The following MED12L variants were observed in gnomAD, a reference collection of about 807,000 sequenced individuals.
The protein encoded by MED12L is mediator of RNA polymerase II transcription subunit 12-like protein.
A neutral mutation model predicts 281.3 loss-of-function variants in MED12L; 60 were observed. That is an observed-to-expected ratio of 0.21 (90% CI 0.17 to 0.26). The LOEUF is 0.26. Ranked by LOEUF, MED12L falls within the 10% of genes least tolerant of loss-of-function variation. The pLI, the probability that MED12L is intolerant of heterozygous loss-of-function variation, is 1.00. For missense variants in MED12L, 2,146 were observed against 2,680.9 expected (o/e 0.80, Z 4.41); for synonymous variants, 974 against 987.2 (o/e 0.99, Z 0.25).
chr3:151,284,410 G>A (rs555811191), intron 16 of MED12L, among the ~76,000 whole-genome samples: 1 of 152,182 alleles, frequency 6.6e-6, no homozygotes, highest in East Asian at 1.9e-4. Flanking sequence ...AGGGTTGTGT[G>A]GTTATCTTGG....
rs543229845 is a variant in MED12L, at chr3:151,413,376, C to T, written c.6297+81C>T. On this transcript the variant is annotated intron_variant, in intron 42 of 44. Coordinates refer to ENST00000687756, the MANE Select transcript of MED12L (RefSeq NM_001393769.1). Reference sequence around the variant, plus strand: ...CAACAGTCATAAAAAATGAAAAACACTATAGTTGTCAATTGCCAGATTCCA... The same window carrying T: ...CAACAGTCATAAAAAATGAAAAACATTATAGTTGTCAATTGCCAGATTCCA... 9 of 1,468,738 alleles carry T rather than the reference C, an allele frequency of 6.1e-6. No individual in the cohort carries two copies. In the South Asian group the frequency reaches 1.1e-4, roughly 18 times the overall value. 91.0% of individuals were successfully genotyped at this position (1,468,738 alleles called of 1,614,324 possible).
At chr3:151,334,188 C>CTTTTTTTTTTTTTTTTTTTTTTTTTTT (rs1225344552) in intron 16 of MED12L, among the ~76,000 whole-genome samples, 3 of 30,302 alleles carry the variant, frequency 9.9e-5, no homozygotes, top group East Asian at 9.8e-4. Flanking sequence ...TTTTTTCTTT[C>CTTTTTTTTTTTTTTTTTTTTTTTTTTT]TTTCTTTCTT....
chr3:151,276,875 C>T lies in MED12L; in HGVS notation c.2251-73184C>T, dbSNP rs142945939. Among the ~76,000 whole-genome samples the T allele has an allele frequency of 1.6e-4, 25 of 152,154 alleles. No individual in the cohort carries two copies. In the East Asian group the frequency reaches 4.8e-3, roughly 29 times the overall value. ...TGCTTTGAGTACCTTGGAATCTCCC[C>T]ACTGTTCTTTTGGTTTTATTTTTGT... is the stretch of plus-strand genomic sequence containing the variant. On this transcript the variant is annotated intron_variant, in intron 16 of 44. Transcript: ENST00000687756.
chr3:151,294,198 G>A (rs1331356491), intron 16 of MED12L: 21 of 1,608,342 alleles, frequency 1.3e-5, no homozygotes, highest in South Asian at 7.7e-5. Context: ...TAATATATGC[G>A]AACTTCCGAT....
At chr3:151,387,052 A>G (rs1053292966) in intron 36 of MED12L, among the ~76,000 whole-genome samples, 20 of 152,212 alleles carry the variant, frequency 1.3e-4, no homozygotes, top group Non-Finnish European at 2.5e-4. Flanking sequence ...AAGAATGCAT[A>G]TAGATAACAA....
intron 4 of MED12L, among the ~76,000 whole-genome samples, chr3:151,127,175 A>G (rs1387231941): frequency 6.6e-6 from 1 of 152,200 alleles, no homozygotes; most frequent in Admixed American, 6.5e-5. Flanking sequence ...GCTAAATAGT[A>G]CCTTTGTGGT....
At chr3:151,261,451 T>C (rs1469550433) in intron 16 of MED12L, 1 of 152,118 alleles carries the variant, frequency 6.6e-6, no homozygotes, top group Non-Finnish European at 1.5e-5. Flanking sequence ...GGGTAAGTAA[T>C]GGAGAAACAG....
intron 16 of MED12L, among the ~76,000 whole-genome samples, chr3:151,234,911 T>C (rs1161274145): frequency 6.6e-6 from 1 of 152,202 alleles, no homozygotes; most frequent in Admixed American, 6.5e-5. Context: ...ATAATAAGAA[T>C]CTGTCCAGCC....
rs1724130867 is a variant in MED12L at position 151,192,584 on chromosome 3, C to T, written c.2003C>T (p.Ser668Leu). 6.5e-7 allele frequency: 1 copy of T among 1,536,166 alleles called. No homozygotes were observed. Among genetic ancestry groups the T allele is most frequent in the African/African-American group, 1.4e-5 (1 of 73,156 alleles). ...ATTATGGCGCATATGGGCATTGACTCAGGAACCACTAACATTTTTGATGAA... is the reference window on the plus strand; with the variant it reads ...ATTATGGCGCATATGGGCATTGACTTAGGAACCACTAACATTTTTGATGAA... ...QSIMAHMGIDSGTTNIFDEVD... is the reference protein window; with the variant it reads ...QSIMAHMGIDLGTTNIFDEVD... The change falls in exon 15 of 45, where the codon TCA becomes TTA. Residue 668 changes from serine (S) to leucine (L), a missense_variant. Physicochemically the swap from Ser to Leu is moderately radical, Grantham distance 145. Transcript: ENST00000687756.
At chr3:151,223,715 T>G (rs1315936032) in intron 16 of MED12L, among the ~76,000 whole-genome samples, 1 of 152,066 alleles carries the variant, frequency 6.6e-6, no homozygotes, top group Non-Finnish European at 1.5e-5. Context: ...GGGGAAATGG[T>G]GGAAAAACTT....
At chr3:151,349,380 A>G (rs1193321545) in intron 16 of MED12L, among the ~76,000 whole-genome samples, 3 of 152,218 alleles carry the variant, frequency 2.0e-5, no homozygotes, top group Non-Finnish European at 4.4e-5. Context: ...AATGACACCT[A>G]CACGCTTTAT....
chr3:151,343,493 C>G (rs1320205258), intron 16 of MED12L, among the ~76,000 whole-genome samples: 1 of 152,136 alleles, frequency 6.6e-6, no homozygotes. Flanking sequence ...AGGAAGACTG[C>G]CAGTTAGACC....
At chr3:151,416,469 A>G in intron 43 of MED12L, 47 bp downstream of exon 43, 1 of 1,593,110 alleles carries the variant, frequency 6.3e-7, no homozygotes, top group South Asian at 1.1e-5. Flanking sequence ...TCTTCTTTAA[A>G]AGCAGGTTGC....
intron 16 of MED12L, among the ~76,000 whole-genome samples, chr3:151,243,278 A>G (rs1212041867): frequency 1.3e-5 from 2 of 151,574 alleles, no homozygotes; most frequent in East Asian, 3.9e-4. Context: ...CCACAAAGAT[A>G]CTCCTCGAGA....
At chr3:151,257,005 G>C (rs925624251) in intron 16 of MED12L, among the ~76,000 whole-genome samples, 1 of 152,056 alleles carries the variant, frequency 6.6e-6, no homozygotes, top group Non-Finnish European at 1.5e-5. Context: ...ACTTAACCCT[G>C]TATTAGAAGC....
intron 44 of MED12L, 138 bp downstream of exon 44, chr3:151,430,518 G>A: frequency 7.5e-7 from 1 of 1,337,146 alleles, no homozygotes; most frequent in Non-Finnish European, 9.8e-7. Flanking sequence ...TTAGCCCAAG[G>A]TATTTTCATT....
chr3:151,167,452 G>C (rs920566415), intron 11 of MED12L, among the ~76,000 whole-genome samples: 15 of 152,224 alleles, frequency 9.9e-5, no homozygotes, highest in African/African-American at 3.6e-4. Flanking sequence ...TATGTGGAAA[G>C]AAAAGATGAA....
chr3:151,369,709 T>C (rs1481628082), intron 26 of MED12L, among the ~76,000 whole-genome samples, 160 bp downstream of exon 26: 1 of 152,226 alleles, frequency 6.6e-6, no homozygotes, highest in Non-Finnish European at 1.5e-5. Context: ...ACCAAATACA[T>C]CAGACTCTGG....
At chr3:151,393,988 C>A (rs749364423) in intron 38 of MED12L, among the ~76,000 whole-genome samples, 4 of 151,828 alleles carry the variant, frequency 2.6e-5, no homozygotes, top group Non-Finnish European at 5.9e-5. Context: ...ACTTTTTTTT[C>A]CCTAACTTTT....
Sources: gnomAD v4.1 joint callset for allele counts (sites outside exome capture counted in the v4.1 genomes callset) on GRCh38, gnomAD v4.1.1 for gene constraint, MANE v1.5 for transcripts, NCBI Gene and HGNC (gene_info 2026-07-23, HGNC 2026-07-21) for gene names.